Variants in ZW10 observed in about 807,000 individuals in gnomAD.
The protein encoded by ZW10 is zw10 kinetochore protein, also known as centromere/kinetochore protein zw10 homolog.
A neutral mutation model predicts 87.8 loss-of-function variants in ZW10; 53 were observed. The ratio of observed to expected loss-of-function variants is 0.60; its 90% CI spans 0.48 to 0.76. The LOEUF is 0.76. Ranked by LOEUF, ZW10 falls within the 30% of genes least tolerant of loss-of-function variation. The pLI is 0.00. For synonymous variants in ZW10, 312 were observed against 329.2 expected (o/e 0.95, Z 0.57); for missense variants, 837 against 923.0 (o/e 0.91, Z 1.21).
intron 2 of ZW10, among the ~76,000 whole-genome samples, chr11:113,765,034 G>A (rs1953896922): frequency 6.6e-6 from 1 of 152,178 alleles, no homozygotes; most frequent in Non-Finnish European, 1.5e-5. Context: ...GCTGTCACTG[G>A]TTTGCACCAT....
At chr11:113,739,139 T>A in intron 12 of ZW10, 74 bp downstream of exon 12, 2 of 1,533,036 alleles carry the variant, frequency 1.3e-6, no homozygotes, top group Non-Finnish European at 1.8e-6. Context: ...ATTTTCTCAT[T>A]CAAAAACTAT....
intron 10 of ZW10, 54 bp from the exon 11 acceptor site, chr11:113,741,819 G>A: frequency 7.5e-7 from 1 of 1,339,452 alleles, no homozygotes. Context: ...CTAAAAACAA[G>A]AAAAAAATTT....
At position 113,737,558 on chromosome 11, in the gene ZW10, C is replaced by G. The variant is rs765069346; in HGVS notation, c.2016+14G>C. ...TTGCATCTCAAGGCTAGTGTAGCAT[C>G]TAATGGCCCTTACCTCTAGGGCAGT... On this transcript the variant is annotated intron_variant, in intron 14 of 15. Transcript: ENST00000200135. 1.9e-6 allele frequency: 3 copies of G among 1,594,122 alleles called. No individual in the cohort carries two copies. Among genetic ancestry groups the G allele is most frequent in the Non-Finnish European group, 2.6e-6 (3 of 1,167,158 alleles).
Position 113,773,505 on chromosome 11 carries a change from C to A in ZW10, c.105+57G>T, listed in dbSNP as rs1460417679. The A allele has an allele frequency of 4.6e-6, 7 of 1,505,812 alleles. No individual in the cohort carries two copies. The East Asian group carries it at 1.1e-4, about 24-fold the overall frequency. 93.3% of individuals were successfully genotyped at this position (1,505,812 alleles called of 1,614,324 possible). A position where few individuals can be genotyped will look rare whatever the true frequency, so the allele number is the denominator to read the frequency against. Reference sequence around the variant, plus strand: ...AGCCCCTGACTCCTCTCTCCAGTCCCTTCACACAAGGACCCGGAGTCCCCT... The same window carrying A: ...AGCCCCTGACTCCTCTCTCCAGTCCATTCACACAAGGACCCGGAGTCCCCT... On this transcript the variant is annotated intron_variant, in intron 1 of 15. Transcript: ENST00000200135.
At chr11:113,745,243 A>G (rs1157049641) in intron 9 of ZW10, among the ~76,000 whole-genome samples, 9 of 152,110 alleles carry the variant, frequency 5.9e-5, no homozygotes, top group Non-Finnish European at 1.2e-4. Context: ...TCACTGTAAA[A>G]TAAATAATAT....
At chr11:113,746,415 T>C (rs1565281814) in intron 9 of ZW10, among the ~76,000 whole-genome samples, 1 of 147,962 alleles carries the variant, frequency 6.8e-6, no homozygotes, top group Non-Finnish European at 1.5e-5. Context: ...AGTAAGCACA[T>C]GAGCACTGAG....
chr11:113,743,542 T>C (rs1265038717), intron 10 of ZW10, among the ~76,000 whole-genome samples: 1 of 152,234 alleles, frequency 6.6e-6, no homozygotes, highest in Non-Finnish European at 1.5e-5. Context: ...GTCAAAAAAA[T>C]CCATTTGTCC....
intron 14 of ZW10, 82 bp from the exon 15 acceptor site, chr11:113,736,904 T>C: frequency 1.5e-6 from 2 of 1,352,484 alleles, no homozygotes; most frequent in South Asian, 1.2e-5. Flanking sequence ...CTTTGATGCA[T>C]GCTGTCCAGG....
In ZW10 at chr11:113,736,086, A is replaced by G. The variant is rs1019050280; in HGVS notation, c.2219+534T>C. ...GAAACCTCGTCTCTAAAACAAAACA[A>G]AACAAATAAATAATAAATAAAATAA... On this transcript the variant is annotated intron_variant, in intron 15 of 15. Transcript: ENST00000200135. Among the ~76,000 whole-genome samples the G allele has an allele frequency of 1.3e-5, 2 of 152,162 alleles. 1 individual carries two copies.
chr11:113,755,962 T>G (rs996180592), intron 7 of ZW10, among the ~76,000 whole-genome samples: 2 of 152,190 alleles, frequency 1.3e-5, no homozygotes, highest in African/African-American at 4.8e-5. Flanking sequence ...TAGACAACAG[T>G]ACAGTGTAAC....
At chr11:113,735,776 A>C (rs1953544974) in intron 15 of ZW10, among the ~76,000 whole-genome samples, 2 of 151,998 alleles carry the variant, frequency 1.3e-5, no homozygotes, top group African/African-American at 4.8e-5. Context: ...AGCAACATTA[A>C]CTGATGGTGT....
At position 113,745,434 on chromosome 11, in the gene ZW10, T is replaced by TTAGAC. The variant is rs1473026144; in HGVS notation, c.1273-1395_1273-1394insGTCTA. On this transcript the variant is annotated intron_variant, in intron 9 of 15. Transcript: ENST00000200135. ...AAAGGTTCAAAGTCTAATAAAACTA[T>TTAGAC]TTAAGTCAGTGGACTTGGCTGTCTA... Among the ~76,000 whole-genome samples the TTAGAC allele has an allele frequency of 1.9e-4, 29 of 152,292 alleles. 1 individual carries two copies. Among genetic ancestry groups the TTAGAC allele is most frequent in the Admixed American group, 1.8e-3 (27 of 15,300 alleles).
chr11:113,758,798 G>T, intron 5 of ZW10, 92 bp from the exon 6 acceptor site: 1 of 1,262,496 alleles, frequency 7.9e-7, no homozygotes, highest in Non-Finnish European at 1.1e-6. Flanking sequence ...TATTTCCAAT[G>T]CAGTTCTATT....
Position 113,773,544 on chromosome 11 carries a change from C to G in ZW10, c.105+18G>C, listed in dbSNP as rs377376663. The G allele has an allele frequency of 7.7e-5, 123 of 1,607,824 alleles. No individual in the cohort carries two copies. In the African/African-American group the frequency reaches 1.3e-3, roughly 18 times the overall value. On this transcript the variant is annotated intron_variant, in intron 1 of 15. Transcript: ENST00000200135. ...CCGGAGTCCCCTTCCAGTCAGCAGA[C>G]AGCTGCCCCGCTCTCACCTTGATCT... is the stretch of plus-strand genomic sequence containing the variant.
intron 14 of ZW10, among the ~76,000 whole-genome samples, chr11:113,737,108 T>A (rs1255846858): frequency 6.6e-6 from 1 of 152,234 alleles, no homozygotes; most frequent in East Asian, 1.9e-4. Context: ...GCAGGGGATG[T>A]GATTACAAAT....
chr11:113,746,157 AC>A (rs1210553591), intron 9 of ZW10, among the ~76,000 whole-genome samples: 2 of 152,240 alleles, frequency 1.3e-5, no homozygotes. Context: ...CACTGCTGAG[AC>A]GTCCTGACCT....
Position 113,736,721 on chromosome 11 carries a change from G to C in ZW10, c.2118C>G (p.Asn706Lys). The change falls in exon 15 of 16, where the codon AAC (asparagine) becomes AAG (lysine). Residue 706 changes from asparagine (N) to lysine (K), a missense_variant. Transcript: ENST00000200135. ...VFAPLSEESK[N>K]KKYQEEVPVY... ...CTGGAACCTCTTCTTGATATTTCTTGTTCTTGCTTTCTTCAGATAAAGGTG... is the reference window on the plus strand; with the variant it reads ...CTGGAACCTCTTCTTGATATTTCTTCTTCTTGCTTTCTTCAGATAAAGGTG... 1 of 1,614,108 alleles carries C rather than the reference G, an allele frequency of 6.2e-7. No individual in the cohort carries two copies. Among genetic ancestry groups the C allele is most frequent in the Non-Finnish European group, 8.5e-7 (1 of 1,180,008 alleles).
Position 113,738,303 on chromosome 11 carries a change from A to G in ZW10, c.1845T>C (p.Asp615=), listed in dbSNP as rs922298850. 25 of 1,613,258 alleles carry G rather than the reference A, an allele frequency of 1.5e-5. No homozygotes were observed. The highest frequency in any genetic ancestry group is 2.1e-5 in the Non-Finnish European group (25 of 1,179,644). ...SSARNFSNMD[D]EENYSAASKA... ...TACTTGCTGCAGAATAATTCTCTTC[A>G]TCGTCCATATTTGAAAAGTTCCTAG... The change falls in exon 13 of 16, where the codon GAT becomes GAC. Residue 615 remains aspartate, a synonymous_variant. Coordinates refer to ENST00000200135, the MANE Select transcript of ZW10 (RefSeq NM_004724.4).
At position 113,739,234 on chromosome 11, in the gene ZW10, C is replaced by T. The variant is rs146035001; in HGVS notation, c.1732G>A (p.Val578Ile). ...CDGTATFVDL[V>I]PGFRRLGTEC... ...TTACCAAGTCTCCTGAAGCCAGGTA[C>T]AAGATCCACAAAAGTAGCAGTGCCA... Residue 578 changes from valine (V) to isoleucine (I), a missense_variant, in exon 12 of 16, where the codon GTA (valine) becomes ATA (isoleucine). Val to Ile is a conservative substitution (Grantham distance 29). Transcript: ENST00000200135. The T allele has an allele frequency of 4.3e-6, 7 of 1,613,764 alleles. No homozygotes were observed. Among genetic ancestry groups the T allele is most frequent in the Admixed American group, 1.7e-5 (1 of 59,944 alleles).
Sources: allele counts gnomAD v4.1 joint callset (sites outside exome capture counted in the v4.1 genomes callset), GRCh38; gene constraint gnomAD v4.1.1; transcripts MANE v1.5; gene names NCBI Gene and HGNC (gene_info 2026-07-23, HGNC 2026-07-21).